The following ATOSA variants were observed in gnomAD, a reference collection of about 807,000 sequenced individuals.
ATOSA encodes the protein atos homolog protein A.
At chr15:52,646,540 T>C in the ATOSA span, among the ~76,000 whole-genome samples, 3 of 151,986 alleles carry the variant, frequency 2.0e-5, no homozygotes, top group African/African-American at 7.3e-5. Flanking sequence ...AACGTAGGAG[T>C]CCACAAAGGG....
At chr15:52,675,134 T>A in the ATOSA span, among the ~76,000 whole-genome samples, 1 of 152,192 alleles carries the variant, frequency 6.6e-6, no homozygotes, top group Non-Finnish European at 1.5e-5. Flanking sequence ...ACCCAAGTAA[T>A]GTTATATTAT....
chr15:52,628,626 G>C, the ATOSA span, among the ~76,000 whole-genome samples: 1 of 151,982 alleles, frequency 6.6e-6, no homozygotes, highest in South Asian at 2.1e-4. Context: ...CACTATCCTA[G>C]ATACAGCAAA....
the ATOSA span, chr15:52,584,704 T>A: frequency 7.1e-6 from 11 of 1,543,912 alleles, no homozygotes; most frequent in South Asian, 1.1e-4. Flanking sequence ...AATTTTAGAG[T>A]TGTTCTAAAG....
At chr15:52,632,071 T>A in the ATOSA span, among the ~76,000 whole-genome samples, 1 of 152,196 alleles carries the variant, frequency 6.6e-6, no homozygotes. Flanking sequence ...CAGTATTTCT[T>A]AAATAAGTTT....
the ATOSA span, among the ~76,000 whole-genome samples, chr15:52,704,815 C>T: frequency 2.0e-5 from 3 of 152,158 alleles, no homozygotes; most frequent in East Asian, 1.9e-4. Context: ...TGCCATCTCA[C>T]GCCAGTTAGA....
the ATOSA span, among the ~76,000 whole-genome samples, chr15:52,597,150 ATTCTGTTCTG>A: frequency 2.4e-5 from 1 of 41,862 alleles, no homozygotes; most frequent in African/African-American, 8.6e-5. Flanking sequence ...ATTCTATTTT[ATTCTGTTCTG>A]TTCTGTTCTA....
At chr15:52,691,806 G>A in the ATOSA span, among the ~76,000 whole-genome samples, 4 of 151,982 alleles carry the variant, frequency 2.6e-5, no homozygotes, top group South Asian at 8.3e-4. Flanking sequence ...CTGTATTCCA[G>A]CCTGGGAGAC....
chr15:52,640,342 G>C, the ATOSA span, among the ~76,000 whole-genome samples: 1 of 151,736 alleles, frequency 6.6e-6, no homozygotes, highest in African/African-American at 2.4e-5. Context: ...CCAGCACTTT[G>C]GTAGGCTGAG....
chr15:52,605,194 A>G, the ATOSA span: 4 of 1,611,484 alleles, frequency 2.5e-6, no homozygotes, highest in Admixed American at 3.4e-5. Context: ...AGTTCCATCC[A>G]AGGAATGAAA....
chr15:52,592,469 C>T, the ATOSA span, among the ~76,000 whole-genome samples: 1 of 152,040 alleles, frequency 6.6e-6, no homozygotes. Context: ...ATTGTTTTTG[C>T]AAATGAATGC....
chr15:52,585,158 G>A, the ATOSA span: 2 of 408,990 alleles, frequency 4.9e-6, no homozygotes, highest in East Asian at 8.7e-5. Context: ...AATAATATAA[G>A]GTCCAATAAC....
At chr15:52,709,125 A>G in the ATOSA span, among the ~76,000 whole-genome samples, 1 of 152,210 alleles carries the variant, frequency 6.6e-6, no homozygotes, top group African/African-American at 2.4e-5. Flanking sequence ...AGGCAGACCA[A>G]ACAAAGCACA....
chr15:52,638,332 T>C, the ATOSA span, among the ~76,000 whole-genome samples: 2 of 152,150 alleles, frequency 1.3e-5, no homozygotes, highest in Admixed American at 6.5e-5. Context: ...TTCTATAACA[T>C]GCCAGAAAAA....
At chr15:52,674,278 A>C in the ATOSA span, among the ~76,000 whole-genome samples, 1 of 152,096 alleles carries the variant, frequency 6.6e-6, no homozygotes, top group Non-Finnish European at 1.5e-5. Flanking sequence ...TCGAACTTCT[A>C]AGCTCTAAGC....
the ATOSA span, among the ~76,000 whole-genome samples, chr15:52,600,839 A>ATATATAAC: frequency 7.1e-6 from 1 of 139,928 alleles, no homozygotes; most frequent in South Asian, 2.3e-4. Context: ...GAGGTTAATA[A>ATATATAAC]CTAGAAATAT....
the ATOSA span, among the ~76,000 whole-genome samples, chr15:52,620,643 A>C: frequency 6.6e-6 from 1 of 152,180 alleles, no homozygotes; most frequent in South Asian, 2.1e-4. Flanking sequence ...TGCTACTAAG[A>C]AAGTTTATCT....
the ATOSA span, among the ~76,000 whole-genome samples, chr15:52,692,534 T>G: frequency 6.6e-6 from 1 of 152,186 alleles, no homozygotes; most frequent in South Asian, 2.1e-4. Flanking sequence ...TTGTATTTTT[T>G]GTAGAGACAG....
the ATOSA span, chr15:52,587,217 A>G: frequency 6.2e-7 from 1 of 1,612,286 alleles, no homozygotes; most frequent in Non-Finnish European, 8.5e-7. Flanking sequence ...AAGTAATCAC[A>G]CCCTTGAAAT....
the ATOSA span, chr15:52,609,010 T>C: frequency 1.2e-6 from 2 of 1,613,330 alleles, no homozygotes; most frequent in Middle Eastern, 3.3e-4. Context: ...ATCAATTCCA[T>C]TGCTCATTTC....
Sources: allele counts gnomAD v4.1 joint callset (sites outside exome capture counted in the v4.1 genomes callset), GRCh38; gene constraint gnomAD v4.1.1; transcripts MANE v1.5; gene names NCBI Gene and HGNC (gene_info 2026-07-23, HGNC 2026-07-21).